AMMECR1: variants seen among roughly 807,000 people sequenced by gnomAD.
AMMECR1 encodes the protein AMMECR nuclear protein 1.
Under a neutral mutation model 22.5 loss-of-function variants are expected in AMMECR1, and 3 were observed. That is an observed-to-expected ratio of 0.13 (90% CI 0.06 to 0.35). The LOEUF is 0.35. AMMECR1 is among the 10% of genes least tolerant of loss of function. The probability of loss-of-function intolerance (pLI) is 1.00; values close to 1 mark genes in which losing one functional copy is unlikely to be tolerated. For synonymous variants in AMMECR1, 130 were observed against 116.7 expected (o/e 1.11, Z -0.74); for missense variants, 235 against 278.7 (o/e 0.84, Z 1.12).
At chrX:110,339,414 A>C (rs1188953248) in intron 2 of AMMECR1, among the ~76,000 whole-genome samples, 3 of 108,558 alleles carry the variant, frequency 2.8e-5, no homozygotes, top group African/African-American at 6.6e-5. Flanking sequence ...AAAAAAAAAA[A>C]AAAAAAAAAA....
chrX:110,275,856 T>TA (rs1196476352), intron 1 of AMMECR1, among the ~76,000 whole-genome samples: 2 of 111,435 alleles, frequency 1.8e-5, no homozygotes, highest in African/African-American at 6.5e-5. Flanking sequence ...AATAAATAAT[T>TA]AAAAAATTAT....
intron 2 of AMMECR1, among the ~76,000 whole-genome samples, chrX:110,221,184 T>C (rs754095764): frequency 8.9e-6 from 1 of 112,255 alleles, no homozygotes; most frequent in Non-Finnish European, 1.9e-5. Context: ...AATTCAACTA[T>C]GTTTTAGTCT....
chrX:110,431,323 CTGTGTGTGTGTGTG>C (rs759432836), intron 1 of AMMECR1, among the ~76,000 whole-genome samples: 4 of 94,949 alleles, frequency 4.2e-5, no homozygotes, highest in Non-Finnish European at 8.4e-5. Context: ...GAGGGGAAGG[CTGTGTGTGTGTGTG>C]TGTGTGTGTG....
At chrX:110,327,887 T>C (rs2068104086) in intron 2 of AMMECR1, among the ~76,000 whole-genome samples, 1 of 111,756 alleles carries the variant, frequency 8.9e-6, no homozygotes, top group African/African-American at 3.3e-5. Flanking sequence ...TATTCTCTTC[T>C]AGTCTCATAA....
intron 2 of AMMECR1, among the ~76,000 whole-genome samples, chrX:110,347,687 C>G (rs746441531): frequency 8.9e-6 from 1 of 112,760 alleles, no homozygotes; most frequent in East Asian, 2.8e-4. Context: ...AGCTTTCTCA[C>G]AAAGTATCTT....
At chrX:110,416,979 G>C (rs920043554) in intron 2 of AMMECR1, among the ~76,000 whole-genome samples, 15 of 112,375 alleles carry the variant, frequency 1.3e-4, no homozygotes, top group African/African-American at 4.9e-4. Flanking sequence ...TTTTGGGGGA[G>C]AGCTGGGTTT....
chrX:110,383,662 C>G (rs1024216319), intron 2 of AMMECR1, among the ~76,000 whole-genome samples: 1 of 111,894 alleles, frequency 8.9e-6, no homozygotes, highest in South Asian at 3.7e-4. Flanking sequence ...AACATCCTTA[C>G]TCTTCTTATC....
intron 2 of AMMECR1, among the ~76,000 whole-genome samples, chrX:110,396,673 T>G (rs2068531123): frequency 8.9e-6 from 1 of 112,400 alleles, no homozygotes; most frequent in Non-Finnish European, 1.9e-5. Context: ...CAAAGAAGAA[T>G]GGCGACACAC....
intron 2 of AMMECR1, among the ~76,000 whole-genome samples, chrX:110,403,234 C>A (rs1009079749): frequency 8.9e-6 from 1 of 112,257 alleles, no homozygotes; most frequent in Non-Finnish European, 1.9e-5. Flanking sequence ...GCAAACCTCA[C>A]AGAGGATGCT....
At position 110,392,689 on chromosome X, in the gene AMMECR1, A is replaced by T. The variant is rs1387282662; in HGVS notation, c.-148+33969T>A. 3.6e-5 allele frequency among the ~76,000 whole-genome samples: 4 copies of T among 111,865 alleles called. No individual in the cohort carries two copies. In the South Asian group the frequency reaches 1.5e-3, roughly 42 times the overall value. On this transcript the variant is annotated intron_variant, in intron 2 of 7. Transcript: ENST00000372057. ...TGTTTGACAGGAAGTTTCTATTCAG[A>T]TCATTGTGCCTAGAGTATATAGAGG...
chrX:110,351,991 T>A (rs983859099), intron 2 of AMMECR1, among the ~76,000 whole-genome samples: 3 of 112,182 alleles, frequency 2.7e-5, no homozygotes, highest in African/African-American at 9.7e-5. Context: ...TTCAGCATAA[T>A]TGTTAGAGAA....
intron 1 of AMMECR1, among the ~76,000 whole-genome samples, chrX:110,310,691 C>T (rs1324451317): frequency 8.9e-6 from 1 of 112,270 alleles, no homozygotes; most frequent in East Asian, 2.8e-4. Flanking sequence ...AGGTGAGCTA[C>T]AATCTTTCCA....
chrX:110,222,978 A>G (rs2067512256), intron 2 of AMMECR1, among the ~76,000 whole-genome samples: 2 of 111,655 alleles, frequency 1.8e-5, no homozygotes, highest in African/African-American at 6.5e-5. Flanking sequence ...TCTACTCTCT[A>G]TGAGATAGCC....
chrX:110,432,515 G>A (rs2068804966), intron 1 of AMMECR1, among the ~76,000 whole-genome samples: 2 of 111,883 alleles, frequency 1.8e-5, no homozygotes, highest in African/African-American at 3.2e-5. Flanking sequence ...CAGCGTTGGG[G>A]GCCGTCAGGA....
intron 2 of AMMECR1, among the ~76,000 whole-genome samples, chrX:110,329,059 G>T (rs1230932080): frequency 8.9e-6 from 1 of 112,266 alleles, no homozygotes; most frequent in Non-Finnish European, 1.9e-5. Flanking sequence ...TTCCACAATG[G>T]TTGAACTAAT....
chrX:110,273,838 G>A (rs190943372), intron 1 of AMMECR1, among the ~76,000 whole-genome samples: 215 of 112,082 alleles, frequency 1.9e-3, no homozygotes, highest in Middle Eastern at 4.6e-3. Flanking sequence ...TGATCTGTTT[G>A]TCTATTTTTG....
chrX:110,398,446 C>T (rs986648070), intron 2 of AMMECR1, among the ~76,000 whole-genome samples: 3 of 112,558 alleles, frequency 2.7e-5, no homozygotes, highest in Non-Finnish European at 5.6e-5. Flanking sequence ...TCTTAGAATA[C>T]TTTTAGATTT....
At chrX:110,219,733 A>G in intron 2 of AMMECR1, 5 of 314,641 alleles carry the variant, frequency 1.6e-5, no homozygotes, top group Non-Finnish European at 2.1e-5. Flanking sequence ...TGATTTCAAA[A>G]CTCTGAAATA....
chrX:110,243,971 C>T (rs189040092), intron 2 of AMMECR1, among the ~76,000 whole-genome samples: 3 of 111,747 alleles, frequency 2.7e-5, no homozygotes, highest in South Asian at 7.4e-4. Flanking sequence ...TTAAAAATTA[C>T]TTTCACATTA....
Sources: gnomAD v4.1 joint callset for allele counts (sites outside exome capture counted in the v4.1 genomes callset) on GRCh38, gnomAD v4.1.1 for gene constraint, MANE v1.5 for transcripts, NCBI Gene and HGNC (gene_info 2026-07-23, HGNC 2026-07-21) for gene names.